Variants in NFATC2 observed in about 807,000 individuals in gnomAD.
NFATC2 encodes nuclear factor of activated T cells 2.
In NFATC2, 22 loss-of-function variants were observed where a neutral mutation model predicts 87.3. That is an observed-to-expected ratio of 0.25 (90% CI 0.18 to 0.36). The LOEUF is 0.36. NFATC2 is among the 10% of genes least tolerant of loss of function. The pLI, the probability that NFATC2 is intolerant of heterozygous loss-of-function variation, is 1.00. For synonymous variants in NFATC2, 565 were observed against 542.2 expected (o/e 1.04, Z -0.58); for missense variants, 1,149 against 1,259.1 (o/e 0.91, Z 1.32).
At chr20:51,530,992 A>T (rs1373983496) in intron 1 of NFATC2, among the ~76,000 whole-genome samples, 1 of 152,244 alleles carries the variant, frequency 6.6e-6, no homozygotes, top group Admixed American at 6.5e-5. Flanking sequence ...CAGAAAAAGC[A>T]GCTAAAATAT....
intron 1 of NFATC2, among the ~76,000 whole-genome samples, chr20:51,550,928 A>G (rs2904098): frequency 0.2 from 31,148 of 152,192 alleles, 3,268 homozygotes; most frequent in Middle Eastern, 0.21. Flanking sequence ...TGTATAACAC[A>G]TAAGTCACAC....
intron 5 of NFATC2, among the ~76,000 whole-genome samples, chr20:51,472,615 TTTTCTTC>T (rs1157286840): frequency 2.0e-5 from 3 of 151,246 alleles, no homozygotes; most frequent in Admixed American, 1.3e-4. Context: ...ATGCTTATTT[TTTTCTTC>T]TTTCTTCTTT....
chr20:51,551,659 G>A (rs1214267736), intron 1 of NFATC2, among the ~76,000 whole-genome samples: 1 of 150,444 alleles, frequency 6.6e-6, no homozygotes, highest in African/African-American at 2.5e-5. Flanking sequence ...ACCGCATCTG[G>A]CCTTTTTAAA....
intron 9 of NFATC2, among the ~76,000 whole-genome samples, chr20:51,416,627 AAAGATGAGGCTAAG>A (rs1157017233): frequency 2.0e-5 from 3 of 152,216 alleles, no homozygotes; most frequent in Non-Finnish European, 2.9e-5. Flanking sequence ...CTGGACAGAT[AAAGATGAGGCTAAG>A]AAGATGATGA....
chr20:51,414,256 G>GA (rs1321516030), intron 9 of NFATC2, among the ~76,000 whole-genome samples: 1 of 151,786 alleles, frequency 6.6e-6, no homozygotes, highest in African/African-American at 2.4e-5. Context: ...GAGCAAGGGA[G>GA]AAAAAATAAA....
At chr20:51,470,914 A>G (rs1217153186) in intron 5 of NFATC2, among the ~76,000 whole-genome samples, 1 of 152,134 alleles carries the variant, frequency 6.6e-6, no homozygotes, top group Non-Finnish European at 1.5e-5. Context: ...ATTGCAAGAG[A>G]GGGTGGGTTA....
Position 51,475,487 on chromosome 20 carries a change from G to A in NFATC2, c.1506C>T (p.Pro502=), listed in dbSNP as rs1321790087. Reference sequence around the variant, plus strand: ...CCCTCATGTTGTTTTTGGGCTCCAAGGGTATCTCCAGGACTTTGGTGTTGC... The same window carrying A: ...CCCTCATGTTGTTTTTGGGCTCCAAAGGTATCTCCAGGACTTTGGTGTTGC... ...IVGNTKVLEI[P]LEPKNNMRAT... The change falls in exon 4 of 11, where the codon CCC becomes CCT. Residue 502 remains proline (P), a synonymous_variant. Transcript: ENST00000371564. The A allele has an allele frequency of 1.2e-6, 2 of 1,613,854 alleles. No homozygotes were observed. Among genetic ancestry groups the A allele is most frequent in the East Asian group, 4.5e-5 (2 of 44,892 alleles).
At chr20:51,517,380 A>G (rs1386034209) in intron 2 of NFATC2, among the ~76,000 whole-genome samples, 1 of 152,094 alleles carries the variant, frequency 6.6e-6, no homozygotes, top group Non-Finnish European at 1.5e-5. Flanking sequence ...CTTAAGCCCA[A>G]GAATTTGAGG....
chr20:51,497,671 G>C (rs2076011458), intron 3 of NFATC2, among the ~76,000 whole-genome samples: 1 of 152,096 alleles, frequency 6.6e-6, no homozygotes, highest in South Asian at 2.1e-4. Context: ...TTTGCTCACG[G>C]AGGAGTGAGG....
intron 3 of NFATC2, among the ~76,000 whole-genome samples, chr20:51,488,654 C>T (rs536792396): frequency 2.6e-5 from 4 of 152,294 alleles, no homozygotes; most frequent in African/African-American, 9.6e-5. Context: ...TGTTGTTCAA[C>T]GGGACCTTCA....
chr20:51,435,803 G>T, intron 6 of NFATC2, 42 bp from the exon 7 acceptor site: 1 of 1,533,026 alleles, frequency 6.5e-7, no homozygotes. Context: ...GGAACTATTA[G>T]AAACCAAAGA....
At chr20:51,411,454 A>G (rs748713472) in intron 9 of NFATC2, among the ~76,000 whole-genome samples, 13 of 150,802 alleles carry the variant, frequency 8.6e-5, no homozygotes, top group Admixed American at 7.9e-4. Context: ...ACACACACAC[A>G]GTATAACTAC....
chr20:51,510,993 G>C (rs766214303), intron 3 of NFATC2, among the ~76,000 whole-genome samples: 13 of 152,136 alleles, frequency 8.5e-5, no homozygotes, highest in Admixed American at 2.6e-4. Context: ...TCAACCCAAA[G>C]TTTGATTTAT....
chr20:51,433,376 T>C (rs1983058445), intron 8 of NFATC2, among the ~76,000 whole-genome samples: 2 of 152,148 alleles, frequency 1.3e-5, no homozygotes, highest in African/African-American at 4.8e-5. Context: ...AGCACTACTG[T>C]CTCAAGCCTC....
At chr20:51,466,046 C>G (rs1600799932) in intron 5 of NFATC2, among the ~76,000 whole-genome samples, 1 of 152,136 alleles carries the variant, frequency 6.6e-6, no homozygotes. Context: ...GCCATTCAGG[C>G]CTCCCTAATT....
In NFATC2 at chr20:51,389,402, T is replaced by A. The variant is rs1986090369; in HGVS notation, c.*2094A>T. The A allele has an allele frequency of 6.6e-6, 1 of 152,110 alleles. No homozygotes were observed. The highest frequency in any genetic ancestry group is 2.4e-5 in the African/African-American group (1 of 41,412). The allele number at this position is 152,110 out of a possible 1,614,324, so 9.4% of individuals were successfully genotyped here. A position where few individuals can be genotyped will look rare whatever the true frequency, so the allele number is the denominator to read the frequency against. ...GCCAGGTCGAGTGAGAACAAATCAC[T>A]CACCACACACTCTTGGCTTTTCCCC... is the stretch of plus-strand genomic sequence containing the variant. On this transcript the variant is annotated 3_prime_UTR_variant, in exon 11 of 11. Transcript: ENST00000371564.
chr20:51,415,076 C>T (rs967481870), intron 9 of NFATC2, among the ~76,000 whole-genome samples: 3 of 151,562 alleles, frequency 2.0e-5, no homozygotes, highest in Non-Finnish European at 4.4e-5. Flanking sequence ...CATAGTGAGA[C>T]CCCATCTCTA....
At chr20:51,434,720 G>A (rs570036358) in intron 8 of NFATC2, among the ~76,000 whole-genome samples, 1 of 152,280 alleles carries the variant, frequency 6.6e-6, no homozygotes, top group African/African-American at 2.4e-5. Flanking sequence ...GCTGTACTTT[G>A]TGGGAATGAG....
rs117749256 is a variant in NFATC2 at position 51,449,575 on chromosome 20, G to A, written c.1849+4973C>T. 4.3e-4 allele frequency among the ~76,000 whole-genome samples: 65 copies of A among 152,244 alleles called. 1 individual carries two copies. In the East Asian group the frequency reaches 0.011, roughly 25 times the overall value. ...AGTGGTTAATTCAAGGATCTCTATC[G>A]CCACAAAATGGGTAAGCCTGTGGCT... is the stretch of plus-strand genomic sequence containing the variant. On this transcript the variant is annotated intron_variant, in intron 6 of 10. Transcript: ENST00000371564.
Sources: gnomAD v4.1 joint callset for allele counts (sites outside exome capture counted in the v4.1 genomes callset) on GRCh38, gnomAD v4.1.1 for gene constraint, MANE v1.5 for transcripts, NCBI Gene and HGNC (gene_info 2026-07-23, HGNC 2026-07-21) for gene names.